The following POC5 variants were observed in gnomAD, a reference collection of about 807,000 sequenced individuals.
The protein encoded by POC5 is POC5 centriolar protein.
A neutral mutation model predicts 62.9 loss-of-function variants in POC5; 48 were observed. The observed-to-expected ratio is 0.76, with a 90% CI of 0.61 to 0.97. The LOEUF is 0.97. Among genes scored for constraint, POC5 ranks in the 50% least tolerant of loss-of-function variants. The pLI, the probability that POC5 is intolerant of heterozygous loss-of-function variation, is 0.00. For synonymous variants in POC5, 236 were observed against 228.2 expected (o/e 1.03, Z -0.31); for missense variants, 696 against 679.5 (o/e 1.02, Z -0.27).
intron 10 of POC5, among the ~76,000 whole-genome samples, chr5:75,678,619 C>T (rs1199594779): frequency 4.1e-5 from 6 of 146,358 alleles, no homozygotes; most frequent in South Asian, 2.1e-4. Context: ...CTTTTTTTTA[C>T]GAGGTAATAC....
At chr5:75,679,288 T>C (rs1775787403) in intron 10 of POC5, among the ~76,000 whole-genome samples, 1 of 152,178 alleles carries the variant, frequency 6.6e-6, no homozygotes, top group African/African-American at 2.4e-5. Context: ...TTAAAACATT[T>C]GAAATTCCAG....
At chr5:75,709,234 A>T (rs890816288) in intron 2 of POC5, among the ~76,000 whole-genome samples, 1 of 152,218 alleles carries the variant, frequency 6.6e-6, no homozygotes, top group Non-Finnish European at 1.5e-5. Flanking sequence ...GAAGAGAGAG[A>T]TATTTCAAAG....
At chr5:75,705,491 C>G in intron 4 of POC5, 1 of 361,070 alleles carries the variant, frequency 2.8e-6, no homozygotes. Flanking sequence ...AGAAAGGATA[C>G]TACACACTAT....
At chr5:75,698,086 C>T (rs1251132102) in intron 5 of POC5, among the ~76,000 whole-genome samples, 1 of 143,286 alleles carries the variant, frequency 7.0e-6, no homozygotes, top group African/African-American at 2.5e-5. Context: ...GAGTGACCTA[C>T]AAAGAGACTT....
intron 5 of POC5, 47 bp downstream of exon 5, chr5:75,702,558 T>C: frequency 2.6e-6 from 4 of 1,527,022 alleles, no homozygotes; most frequent in Non-Finnish European, 8.9e-7. Context: ...GTAAAACTAT[T>C]ACATTACATA....
chr5:75,688,491 T>C (rs1228927058), intron 9 of POC5, among the ~76,000 whole-genome samples: 1 of 152,086 alleles, frequency 6.6e-6, no homozygotes, highest in Non-Finnish European at 1.5e-5. Flanking sequence ...TGTCAGACAA[T>C]ATGTGGATTT....
intron 11 of POC5, among the ~76,000 whole-genome samples, chr5:75,676,522 A>C (rs1172727642): frequency 6.6e-6 from 1 of 151,632 alleles, no homozygotes; most frequent in Non-Finnish European, 1.5e-5. Context: ...GTCTTCATTT[A>C]ATCATCTAGT....
intron 9 of POC5, among the ~76,000 whole-genome samples, chr5:75,687,426 CT>C (rs1776143849): frequency 6.6e-6 from 1 of 152,104 alleles, no homozygotes; most frequent in South Asian, 2.1e-4. Context: ...GTCATAAAAC[CT>C]AAATATCACA....
At chr5:75,703,983 A>G (rs1482103242) in intron 4 of POC5, among the ~76,000 whole-genome samples, 1 of 151,836 alleles carries the variant, frequency 6.6e-6, no homozygotes, top group African/African-American at 2.4e-5. Context: ...GTAAAACCCT[A>G]TCTCTACTAA....
intron 8 of POC5, 177 bp from the exon 9 acceptor site, chr5:75,689,342 T>C (rs549008529): frequency 1.0e-6 from 1 of 985,068 alleles, no homozygotes; most frequent in Admixed American, 6.1e-5. Context: ...ATTATCTCCA[T>C]CAACAAAATG....
chr5:75,712,526 A>T, intron 2 of POC5: 1 of 1,358,620 alleles, frequency 7.4e-7, no homozygotes, highest in Non-Finnish European at 1.0e-6. Flanking sequence ...ATTTGCATTA[A>T]AAGTGAAAGT....
chr5:75,708,017 G>A, intron 2 of POC5, 142 bp from the exon 3 acceptor site: 1 of 750,472 alleles, frequency 1.3e-6, no homozygotes, highest in Non-Finnish European at 2.0e-6. Flanking sequence ...CTTATTCCAA[G>A]CTTGAGTTCC....
intron 10 of POC5, 41 bp downstream of exon 10, chr5:75,685,166 C>G: frequency 2.6e-6 from 4 of 1,547,096 alleles, no homozygotes; most frequent in Non-Finnish European, 3.5e-6. Flanking sequence ...TGGGCCTGGC[C>G]GCCCTTTTCA....
intron 10 of POC5, among the ~76,000 whole-genome samples, 154 bp from the exon 11 acceptor site, chr5:75,678,104 A>G (rs554175138): frequency 1.8e-4 from 27 of 152,288 alleles, no homozygotes; most frequent in Non-Finnish European, 1.8e-4. Flanking sequence ...ACAAGACGAA[A>G]AGCAAAACAA....
chr5:75,675,872 G>GT (rs1775630777), intron 11 of POC5, among the ~76,000 whole-genome samples: 1 of 152,248 alleles, frequency 6.6e-6, no homozygotes. Flanking sequence ...TGAGGCTACA[G>GT]TGTCACAAAT....
intron 5 of POC5, 48 bp from the exon 6 acceptor site, chr5:75,694,879 ACTT>A: frequency 8.2e-7 from 1 of 1,222,134 alleles, no homozygotes; most frequent in Non-Finnish European, 1.1e-6. Context: ...CGTTAATATC[ACTT>A]CTTAAAACTA....
intron 5 of POC5, among the ~76,000 whole-genome samples, chr5:75,699,331 C>T (rs1416412192): frequency 1.3e-5 from 2 of 152,054 alleles, no homozygotes; most frequent in East Asian, 3.9e-4. Flanking sequence ...AAAATACTGG[C>T]AAACCGAATC....
intron 4 of POC5, among the ~76,000 whole-genome samples, chr5:75,704,651 A>C (rs1393889811): frequency 1.3e-5 from 2 of 152,214 alleles, no homozygotes; most frequent in East Asian, 3.8e-4. Flanking sequence ...AATTTAAAAA[A>C]TATCTCAACA....
At chr5:75,679,918 G>A (rs1271127679) in intron 10 of POC5, among the ~76,000 whole-genome samples, 3 of 152,140 alleles carry the variant, frequency 2.0e-5, no homozygotes, top group Admixed American at 1.3e-4. Context: ...AACAGAGTTA[G>A]GGAGAGGAAT....
Sources: allele counts gnomAD v4.1 joint callset (sites outside exome capture counted in the v4.1 genomes callset), GRCh38; gene constraint gnomAD v4.1.1; transcripts MANE v1.5; gene names NCBI Gene and HGNC (gene_info 2026-07-23, HGNC 2026-07-21).